Variants in GUCY1A2 observed in about 807,000 individuals in gnomAD.
GUCY1A2 encodes guanylate cyclase 1 soluble subunit alpha 2, also known as guanylate cyclase soluble subunit alpha-2.
Under a neutral mutation model 63.5 loss-of-function variants are expected in GUCY1A2, and 27 were observed. The ratio of observed to expected loss-of-function variants is 0.43; its 90% CI spans 0.31 to 0.59. The LOEUF (loss-of-function observed/expected upper bound fraction) is 0.59, where lower values mean the gene tolerates loss of function less well. Ranked by LOEUF, GUCY1A2 falls within the 20% of genes least tolerant of loss-of-function variation. GUCY1A2 has a pLI of 0.11. For synonymous variants in GUCY1A2, 364 were observed against 343.5 expected (o/e 1.06, Z -0.66); for missense variants, 768 against 913.3 (o/e 0.84, Z 2.05).
At chr11:106,951,240 C>A (rs989417003) in intron 3 of GUCY1A2, among the ~76,000 whole-genome samples, 9 of 152,282 alleles carry the variant, frequency 5.9e-5, no homozygotes, top group African/African-American at 2.2e-4. Flanking sequence ...CATTTATACT[C>A]CTTTGGGTAT....
intron 4 of GUCY1A2, among the ~76,000 whole-genome samples, chr11:106,825,332 C>T (rs868120830): frequency 9.3e-5 from 14 of 151,154 alleles, no homozygotes; most frequent in Non-Finnish European, 1.5e-4. Flanking sequence ...ATGAGTGATA[C>T]TTTAAGTTAA....
chr11:106,980,059 T>C (rs985686777), intron 2 of GUCY1A2, among the ~76,000 whole-genome samples: 1 of 152,090 alleles, frequency 6.6e-6, no homozygotes, highest in Admixed American at 6.5e-5. Context: ...GCAGAGGCAG[T>C]GGATTTCCTG....
chr11:106,788,564 T>C lies in GUCY1A2; in HGVS notation c.1693-11982A>G, dbSNP rs1363114685. Among the ~76,000 whole-genome samples, 2 of 152,248 alleles carry C rather than the reference T, an allele frequency of 1.3e-5. 1 individual carries two copies. The highest frequency in any genetic ancestry group is 4.1e-4 in the South Asian group (2 of 4,836). On this transcript the variant is annotated intron_variant, in intron 5 of 7. Transcript: ENST00000526355. Reference sequence around the variant, plus strand: ...AACCCATTTTAATTTGATTTTTCTATATGATGACATAGTGGTCTAGTTTCT... The same window carrying C: ...AACCCATTTTAATTTGATTTTTCTACATGATGACATAGTGGTCTAGTTTCT...
chr11:106,933,335 A>C (rs1860629722), intron 4 of GUCY1A2, among the ~76,000 whole-genome samples: 1 of 152,220 alleles, frequency 6.6e-6, no homozygotes, highest in Admixed American at 6.5e-5. Context: ...GCCACCAAAC[A>C]TATAAAAAAA....
chr11:106,821,381 T>C (rs1056196089), intron 4 of GUCY1A2, among the ~76,000 whole-genome samples: 2 of 152,190 alleles, frequency 1.3e-5, no homozygotes, highest in Admixed American at 6.5e-5. Flanking sequence ...TTTCAGCACA[T>C]ACACACAATC....
chr11:106,911,896 T>C (rs1860300081), intron 4 of GUCY1A2, among the ~76,000 whole-genome samples: 1 of 152,044 alleles, frequency 6.6e-6, no homozygotes, highest in Non-Finnish European at 1.5e-5. Context: ...AACCAAATAC[T>C]CTAATATTTC....
At chr11:106,900,518 A>T (rs1179376425) in intron 4 of GUCY1A2, among the ~76,000 whole-genome samples, 1 of 152,250 alleles carries the variant, frequency 6.6e-6, no homozygotes, top group South Asian at 2.1e-4. Flanking sequence ...TTAACGAAGT[A>T]AACATATTTA....
At chr11:106,990,397 C>A (rs1861455472) in intron 1 of GUCY1A2, among the ~76,000 whole-genome samples, 2 of 152,214 alleles carry the variant, frequency 1.3e-5, no homozygotes, top group African/African-American at 4.8e-5. Flanking sequence ...AACAGCCAAC[C>A]ACGAAATAGT....
intron 6 of GUCY1A2, among the ~76,000 whole-genome samples, chr11:106,722,199 A>G (rs1419846831): frequency 2.6e-5 from 4 of 152,092 alleles, no homozygotes; most frequent in Admixed American, 6.6e-5. Context: ...TCATCTTTGT[A>G]TTCCTCAAGA....
At chr11:106,918,582 G>A (rs551008840) in intron 4 of GUCY1A2, among the ~76,000 whole-genome samples, 6 of 144,896 alleles carry the variant, frequency 4.1e-5, no homozygotes, top group African/African-American at 1.5e-4. Context: ...TACACACACA[G>A]AGACATTACA....
intron 5 of GUCY1A2, among the ~76,000 whole-genome samples, chr11:106,777,169 G>A (rs1864372184): frequency 6.6e-6 from 1 of 151,956 alleles, no homozygotes; most frequent in African/African-American, 2.4e-5. Context: ...AACAAGTATT[G>A]GGCCAGGTGC....
intron 1 of GUCY1A2, among the ~76,000 whole-genome samples, chr11:107,009,629 AAT>A (rs1307560104): frequency 1.3e-5 from 2 of 152,224 alleles, no homozygotes; most frequent in African/African-American, 4.8e-5. Context: ...TAAAGCTACA[AAT>A]GGTGAAACCT....
At chr11:106,860,598 A>T (rs1241911446) in intron 4 of GUCY1A2, among the ~76,000 whole-genome samples, 1 of 151,970 alleles carries the variant, frequency 6.6e-6, no homozygotes, top group Non-Finnish European at 1.5e-5. Context: ...TCAACTATGT[A>T]TAAAGAGAGT....
chr11:106,897,122 T>C (rs1443624751), intron 4 of GUCY1A2, among the ~76,000 whole-genome samples: 2 of 152,068 alleles, frequency 1.3e-5, no homozygotes, highest in African/African-American at 4.8e-5. Context: ...CAAAATAAAA[T>C]ACTTATAGAC....
intron 4 of GUCY1A2, among the ~76,000 whole-genome samples, chr11:106,886,586 C>T (rs913023537): frequency 3.3e-5 from 5 of 151,904 alleles, no homozygotes; most frequent in Non-Finnish European, 7.4e-5. Flanking sequence ...ATGATCTGTA[C>T]AACTGTTTAT....
intron 6 of GUCY1A2, among the ~76,000 whole-genome samples, chr11:106,771,722 A>C (rs1864259792): frequency 1.3e-5 from 2 of 152,058 alleles, no homozygotes; most frequent in Non-Finnish European, 2.9e-5. Flanking sequence ...ACTGCACTCC[A>C]GCCTGGACAA....
At chr11:107,008,510 T>C (rs1861702623) in intron 1 of GUCY1A2, among the ~76,000 whole-genome samples, 1 of 152,306 alleles carries the variant, frequency 6.6e-6, no homozygotes, top group Admixed American at 6.5e-5. Flanking sequence ...AAAATCATTA[T>C]AGCCAAAAGA....
intron 6 of GUCY1A2, among the ~76,000 whole-genome samples, chr11:106,729,294 T>C (rs1195179113): frequency 6.6e-6 from 1 of 152,156 alleles, no homozygotes; most frequent in African/African-American, 2.4e-5. Flanking sequence ...ATACATACTC[T>C]GAGCGTTATC....
intron 4 of GUCY1A2, among the ~76,000 whole-genome samples, chr11:106,858,231 T>G (rs1859463645): frequency 6.6e-6 from 1 of 152,208 alleles, no homozygotes; most frequent in Admixed American, 6.6e-5. Flanking sequence ...TAAAAATTAA[T>G]GTAGCTAGAT....
Sources: gnomAD v4.1 joint callset for allele counts (sites outside exome capture counted in the v4.1 genomes callset) on GRCh38, gnomAD v4.1.1 for gene constraint, MANE v1.5 for transcripts, NCBI Gene and HGNC (gene_info 2026-07-23, HGNC 2026-07-21) for gene names.